LYPLAL1: variants seen among roughly 807,000 people sequenced by gnomAD.
The protein encoded by LYPLAL1 is lysophospholipase like 1.
In LYPLAL1, 23 loss-of-function variants were observed where a neutral mutation model predicts 19.7. The ratio of observed to expected loss-of-function variants is 1.17; its 90% CI spans 0.84 to 1.65. The LOEUF (loss-of-function observed/expected upper bound fraction) is 1.65. LYPLAL1 is among the 40% of genes most tolerant of loss of function. The probability of loss-of-function intolerance (pLI) is 0.00; values close to 1 mark genes in which losing one functional copy is unlikely to be tolerated. For synonymous variants in LYPLAL1, 119 were observed against 96.3 expected (o/e 1.24, Z -1.38); for missense variants, 355 against 279.4 (o/e 1.27, Z -1.93).
chr1:219,215,127 G>T (rs1659240653), downstream of LYPLAL1, among the ~76,000 whole-genome samples: 1 of 152,066 alleles, frequency 6.6e-6, no homozygotes, highest in South Asian at 2.1e-4. Context: ...TGTGACTGAA[G>T]TACATTCTTT....
chr1:219,310,709 A>C, the LYPLAL1 span, among the ~76,000 whole-genome samples: 11 of 152,234 alleles, frequency 7.2e-5, no homozygotes, highest in Admixed American at 2.6e-4. Context: ...ATTTGTCTTC[A>C]TGATTTTCAT....
At chr1:219,267,181 A>C in the LYPLAL1 span, among the ~76,000 whole-genome samples, 1,045 of 152,254 alleles carry the variant, frequency 6.9e-3, 4 homozygotes, top group Non-Finnish European at 0.01. Flanking sequence ...CCTAGGAGGA[A>C]TCTTCTTGAG....
At chr1:219,397,967 T>G in the LYPLAL1 span, among the ~76,000 whole-genome samples, 4 of 152,204 alleles carry the variant, frequency 2.6e-5, no homozygotes, top group Non-Finnish European at 5.9e-5. Context: ...GCCCCTTCTC[T>G]TTAGCTACCT....
chr1:219,204,023 A>T (rs760949842), intron 3 of LYPLAL1, among the ~76,000 whole-genome samples: 3 of 152,122 alleles, frequency 2.0e-5, no homozygotes, highest in Non-Finnish European at 4.4e-5. Flanking sequence ...AAAATAGTAA[A>T]CTTTGTTAAG....
chr1:219,244,119 T>C, the LYPLAL1 span, among the ~76,000 whole-genome samples: 1 of 152,080 alleles, frequency 6.6e-6, no homozygotes, highest in Non-Finnish European at 1.5e-5. Context: ...TAAAAGTTTC[T>C]GGTAGAGTCC....
chr1:219,405,314 G>T, the LYPLAL1 span, among the ~76,000 whole-genome samples: 1 of 152,298 alleles, frequency 6.6e-6, no homozygotes, highest in East Asian at 1.9e-4. Flanking sequence ...ATTAAAATGT[G>T]TGTGGTGTCA....
intron 3 of LYPLAL1, among the ~76,000 whole-genome samples, chr1:219,203,792 G>C (rs190487057): frequency 6.6e-6 from 1 of 152,286 alleles, no homozygotes; most frequent in African/African-American, 2.4e-5. Context: ...ACTCTGGAGG[G>C]CTGACTAGTC....
the LYPLAL1 span, among the ~76,000 whole-genome samples, chr1:219,380,280 T>C: frequency 6.6e-6 from 1 of 152,094 alleles, no homozygotes; most frequent in African/African-American, 2.4e-5. Flanking sequence ...TCAGGGAGAA[T>C]CTTCAGACCA....
At chr1:219,302,635 G>T in the LYPLAL1 span, among the ~76,000 whole-genome samples, 1 of 152,122 alleles carries the variant, frequency 6.6e-6, no homozygotes, top group Non-Finnish European at 1.5e-5. Context: ...ACGTGTGGAG[G>T]ACACATGAGA....
At chr1:219,287,999 G>A in the LYPLAL1 span, among the ~76,000 whole-genome samples, 14 of 152,310 alleles carry the variant, frequency 9.2e-5, no homozygotes, top group African/African-American at 3.1e-4. Flanking sequence ...TGTACAGTCT[G>A]TGGAACTGTG....
At chr1:219,182,797 G>A (rs974176343) in intron 2 of LYPLAL1, among the ~76,000 whole-genome samples, 8 of 151,834 alleles carry the variant, frequency 5.3e-5, no homozygotes, top group African/African-American at 1.5e-4. Flanking sequence ...GATATCACTT[G>A]GCTTGTAAAA....
At chr1:219,386,745 C>T in the LYPLAL1 span, among the ~76,000 whole-genome samples, 5 of 152,312 alleles carry the variant, frequency 3.3e-5, 1 homozygote, top group East Asian at 9.6e-4. Context: ...AAATCTGCCC[C>T]CTTTCTTGTG....
the LYPLAL1 span, among the ~76,000 whole-genome samples, chr1:219,386,583 C>G: frequency 6.6e-6 from 1 of 152,134 alleles, no homozygotes; most frequent in African/African-American, 2.4e-5. Context: ...GGCCTCTTCT[C>G]TTCTGACTTT....
At chr1:219,389,957 C>T in the LYPLAL1 span, among the ~76,000 whole-genome samples, 1 of 152,132 alleles carries the variant, frequency 6.6e-6, no homozygotes, top group African/African-American at 2.4e-5. Context: ...TATCTGTATA[C>T]TTGTTTATCA....
intron 3 of LYPLAL1, among the ~76,000 whole-genome samples, chr1:219,206,091 C>T (rs1396579639): frequency 6.6e-6 from 1 of 152,014 alleles, no homozygotes; most frequent in Non-Finnish European, 1.5e-5. Context: ...GTTGATAGCA[C>T]ACTTTAAGTG....
At chr1:219,428,048 A>G in the LYPLAL1 span, among the ~76,000 whole-genome samples, 1 of 152,226 alleles carries the variant, frequency 6.6e-6, no homozygotes, top group African/African-American at 2.4e-5. Flanking sequence ...ACCATAAAGC[A>G]GATCTGAGAA....
chr1:219,341,060 G>A, the LYPLAL1 span, among the ~76,000 whole-genome samples: 4 of 151,972 alleles, frequency 2.6e-5, no homozygotes, highest in Non-Finnish European at 5.9e-5. Context: ...GCATGTATCT[G>A]TATCTGTCTA....
At chr1:219,232,461 T>C in the LYPLAL1 span, among the ~76,000 whole-genome samples, 2 of 152,180 alleles carry the variant, frequency 1.3e-5, no homozygotes, top group Non-Finnish European at 2.9e-5. Flanking sequence ...GAAAGTTTCA[T>C]GATAATGGAT....
At chr1:219,257,346 C>T in the LYPLAL1 span, among the ~76,000 whole-genome samples, 1 of 122,692 alleles carries the variant, frequency 8.2e-6, no homozygotes, top group African/African-American at 2.9e-5. Flanking sequence ...TTAAAACATC[C>T]ATACCAGTTT....
Sources: gnomAD v4.1 joint callset for allele counts (sites outside exome capture counted in the v4.1 genomes callset) on GRCh38, gnomAD v4.1.1 for gene constraint, MANE v1.5 for transcripts, NCBI Gene and HGNC (gene_info 2026-07-23, HGNC 2026-07-21) for gene names.